Variants in GPC5 observed in about 807,000 individuals in gnomAD.
The protein encoded by GPC5 is glypican-5.
GPC5 carries 47 observed loss-of-function variants against 53.9 expected under a neutral mutation model. The ratio of observed to expected loss-of-function variants is 0.87; its 90% CI spans 0.69 to 1.11. The LOEUF (loss-of-function observed/expected upper bound fraction) is 1.11, where lower values mean the gene tolerates loss of function less well. Ranked by LOEUF, GPC5 falls within the 50% of genes most tolerant of loss-of-function variation. The pLI, the probability that GPC5 is intolerant of heterozygous loss-of-function variation, is 0.00. For synonymous variants in GPC5, 286 were observed against 263.3 expected (o/e 1.09, Z -0.84); for missense variants, 748 against 713.1 (o/e 1.05, Z -0.56).
chr13:92,447,872 CT>C (rs2139394894), intron 7 of GPC5: 1 of 152,202 alleles, frequency 6.6e-6, no homozygotes, highest in South Asian at 2.1e-4. Flanking sequence ...TAATGGATTT[CT>C]AAGTACAATT....
At chr13:92,371,201 A>G (rs2043647726) in intron 7 of GPC5, among the ~76,000 whole-genome samples, 1 of 152,074 alleles carries the variant, frequency 6.6e-6, no homozygotes, top group Non-Finnish European at 1.5e-5. Flanking sequence ...GTTTTTCATC[A>G]CCAAAAACTG....
At chr13:91,612,280 A>G (rs1260431146) in intron 2 of GPC5, among the ~76,000 whole-genome samples, 3 of 152,062 alleles carry the variant, frequency 2.0e-5, no homozygotes, top group African/African-American at 7.2e-5. Context: ...TCTTATATAT[A>G]CTCTTCATAC....
intron 6 of GPC5, among the ~76,000 whole-genome samples, chr13:92,063,615 A>AAAAT (rs975498804): frequency 6.6e-5 from 10 of 152,264 alleles, no homozygotes; most frequent in African/African-American, 1.4e-4. Context: ...CAGCAGATTT[A>AAAAT]AAATAAATAA....
intron 5 of GPC5, among the ~76,000 whole-genome samples, chr13:91,860,363 C>T (rs1251928155): frequency 6.6e-6 from 1 of 151,850 alleles, no homozygotes; most frequent in African/African-American, 2.4e-5. Context: ...ACATAATATC[C>T]TCCATTTCTA....
chr13:92,445,271 T>G (rs1877756113), intron 7 of GPC5, among the ~76,000 whole-genome samples: 2 of 151,188 alleles, frequency 1.3e-5, no homozygotes, highest in East Asian at 2.0e-4. Context: ...CTTTTTTTTT[T>G]TAACAAAGAT....
chr13:92,005,270 T>C (rs147710338), intron 6 of GPC5, among the ~76,000 whole-genome samples: 2 of 152,300 alleles, frequency 1.3e-5, no homozygotes, highest in East Asian at 3.9e-4. Flanking sequence ...TTCTTATACT[T>C]CACAAAACTG....
At position 92,519,532 on chromosome 13, in the gene GPC5, G is replaced by T. The variant is rs552382551; in HGVS notation, c.1562-346750G>T. 6.4e-4 allele frequency among the ~76,000 whole-genome samples: 97 copies of T among 152,244 alleles called. 1 individual carries two copies. Among genetic ancestry groups the T allele is most frequent in the African/African-American group, 2.3e-3 (96 of 41,550 alleles). ...ACAACCTGCTCTTGAATGACTACTG[G>T]GTACATAATGAAATGAAGGCAGAAA... On this transcript the variant is annotated intron_variant, in intron 7 of 7. Coordinates refer to ENST00000377067, the MANE Select transcript of GPC5 (RefSeq NM_004466.6).
intron 5 of GPC5, among the ~76,000 whole-genome samples, chr13:91,848,975 G>A (rs2038882686): frequency 6.6e-6 from 1 of 152,124 alleles, no homozygotes; most frequent in African/African-American, 2.4e-5. Flanking sequence ...TTGAATCCCA[G>A]AATGCTTAAA....
At chr13:91,484,787 A>G (rs1471740806) in intron 2 of GPC5, among the ~76,000 whole-genome samples, 1 of 152,208 alleles carries the variant, frequency 6.6e-6, no homozygotes, top group Non-Finnish European at 1.5e-5. Context: ...CCCTCTAGAA[A>G]TGGAAAACAG....
At chr13:92,355,095 A>T (rs1040721303) in intron 7 of GPC5, among the ~76,000 whole-genome samples, 2 of 151,672 alleles carry the variant, frequency 1.3e-5, no homozygotes, top group Non-Finnish European at 2.9e-5. Context: ...TAAATGTTAT[A>T]AAAATCTGTT....
chr13:92,047,827 A>AAG (rs2040995625), intron 6 of GPC5, among the ~76,000 whole-genome samples: 1 of 148,990 alleles, frequency 6.7e-6, no homozygotes, highest in Non-Finnish European at 1.5e-5. Context: ...AAAAAAAAAA[A>AAG]GAAAATACAA....
At chr13:92,040,398 C>A (rs1310422331) in intron 6 of GPC5, among the ~76,000 whole-genome samples, 3 of 152,182 alleles carry the variant, frequency 2.0e-5, no homozygotes, top group African/African-American at 7.2e-5. Flanking sequence ...CCACCTTGCA[C>A]CCTGAGCTGT....
chr13:91,657,642 G>T (rs981682844), intron 2 of GPC5, among the ~76,000 whole-genome samples: 2 of 152,090 alleles, frequency 1.3e-5, no homozygotes, highest in Non-Finnish European at 2.9e-5. Flanking sequence ...TGGTAGAGAA[G>T]TGAGATGCTA....
At chr13:92,280,862 A>G (rs1357938141) in intron 7 of GPC5, among the ~76,000 whole-genome samples, 1 of 152,142 alleles carries the variant, frequency 6.6e-6, no homozygotes, top group African/African-American at 2.4e-5. Context: ...CAACTGAGGT[A>G]CCGGGTTCAT....
chr13:91,890,264 C>T (rs2039370612), intron 5 of GPC5, among the ~76,000 whole-genome samples: 1 of 152,024 alleles, frequency 6.6e-6, no homozygotes, highest in East Asian at 1.9e-4. Flanking sequence ...CATGAGAATT[C>T]CCCCTTCATG....
intron 2 of GPC5, among the ~76,000 whole-genome samples, chr13:91,573,791 G>A (rs1417545468): frequency 6.6e-6 from 1 of 152,114 alleles, no homozygotes; most frequent in Non-Finnish European, 1.5e-5. Flanking sequence ...GATAAATGTG[G>A]AGAGATAAAA....
intron 7 of GPC5, among the ~76,000 whole-genome samples, chr13:92,250,175 A>G (rs932005566): frequency 1.3e-5 from 2 of 152,222 alleles, no homozygotes; most frequent in Middle Eastern, 3.4e-3. Context: ...AAAAATTAAG[A>G]GAAGGATAAA....
chr13:92,753,608 G>A (rs866663275), intron 7 of GPC5, among the ~76,000 whole-genome samples: 44 of 152,180 alleles, frequency 2.9e-4, no homozygotes, highest in Middle Eastern at 3.4e-3. Context: ...TGTATAACTA[G>A]AATAACCAAT....
rs543422897 is a variant in GPC5, at chr13:92,462,188, A to G, written c.1561+317199A>G. 1.4e-4 allele frequency among the ~76,000 whole-genome samples: 22 copies of G among 152,202 alleles called. 1 individual carries two copies. In the South Asian group the frequency reaches 4.4e-3, roughly 30 times the overall value. ...AAAAGACTGATGTGATCTGATTGACATTTTCGTAGGATCACTTTGTTTGGC... is the reference window on the plus strand; with the variant it reads ...AAAAGACTGATGTGATCTGATTGACGTTTTCGTAGGATCACTTTGTTTGGC... On this transcript the variant is annotated intron_variant, in intron 7 of 7. Coordinates refer to ENST00000377067, the MANE Select transcript of GPC5 (RefSeq NM_004466.6).
Sources: gnomAD v4.1 joint callset for allele counts (sites outside exome capture counted in the v4.1 genomes callset) on GRCh38, gnomAD v4.1.1 for gene constraint, MANE v1.5 for transcripts, NCBI Gene and HGNC (gene_info 2026-07-23, HGNC 2026-07-21) for gene names.